EPHA6: variants seen among roughly 807,000 people sequenced by gnomAD.
EPHA6 encodes EPH receptor A6.
A neutral mutation model predicts 112.0 loss-of-function variants in EPHA6; 50 were observed. The observed-to-expected ratio is 0.45, with a 90% CI of 0.36 to 0.56. The LOEUF is 0.56. Among genes scored for constraint, EPHA6 ranks in the 20% least tolerant of loss-of-function variants. EPHA6 has a pLI of 0.00. For synonymous variants in EPHA6, 529 were observed against 490.7 expected (o/e 1.08, Z -1.03); for missense variants, 1,280 against 1,417.4 (o/e 0.90, Z 1.56).
chr3:97,008,232 C>A (rs564893163), intron 3 of EPHA6, among the ~76,000 whole-genome samples: 1 of 152,304 alleles, frequency 6.6e-6, no homozygotes, highest in African/African-American at 2.4e-5. Context: ...CTGTCTCCTT[C>A]TGGTACTCCA....
chr3:97,168,369 G>A lies in EPHA6; in HGVS notation c.1115-57895G>A, dbSNP rs185845591. Among the ~76,000 whole-genome samples the A allele has an allele frequency of 1.4e-3, 217 of 152,214 alleles. 1 individual carries two copies. The highest frequency in any genetic ancestry group is 5.1e-3 in the African/African-American group (210 of 41,544). On this transcript the variant is annotated intron_variant, in intron 3 of 17. Coordinates refer to ENST00000389672, the MANE Select transcript of EPHA6 (RefSeq NM_001080448.3). ...CAATTTTGGAGGTGGGGCCTGGTGG[G>A]AGGTGATTAGATCGTGGGGGTGGTT...
intron 3 of EPHA6, among the ~76,000 whole-genome samples, chr3:97,225,009 G>A (rs1477800176): frequency 6.6e-6 from 1 of 152,000 alleles, no homozygotes; most frequent in Non-Finnish European, 1.5e-5. Context: ...AGGCTGGAGT[G>A]CAGTGCCGCG....
chr3:97,499,058 A>G (rs2092053151), intron 10 of EPHA6, among the ~76,000 whole-genome samples: 1 of 152,114 alleles, frequency 6.6e-6, no homozygotes, highest in African/African-American at 2.4e-5. Flanking sequence ...TTAAGTCAAA[A>G]TAATGTACAC....
chr3:96,971,321 C>T (rs2042310063), intron 2 of EPHA6, among the ~76,000 whole-genome samples: 1 of 152,058 alleles, frequency 6.6e-6, no homozygotes. Context: ...AGTTGTCTTC[C>T]AGATACACCA....
chr3:97,627,052 G>C (rs965925328), intron 13 of EPHA6, among the ~76,000 whole-genome samples: 2 of 151,802 alleles, frequency 1.3e-5, no homozygotes, highest in African/African-American at 4.8e-5. Flanking sequence ...CTCACTTACT[G>C]TTTACAACAG....
chr3:97,271,811 T>G (rs570685124), intron 5 of EPHA6, among the ~76,000 whole-genome samples: 1 of 152,360 alleles, frequency 6.6e-6, no homozygotes, highest in Non-Finnish European at 1.5e-5. Context: ...CTTTTTATTT[T>G]TTATTGTATG....
chr3:96,847,132 G>C (rs114887290), intron 1 of EPHA6, among the ~76,000 whole-genome samples: 1,825 of 152,078 alleles, frequency 0.012, 33 homozygotes, highest in African/African-American at 0.042. Flanking sequence ...CCAGTAGAGT[G>C]AAAGTCTATT....
chr3:97,644,604 A>G (rs1244995502), intron 14 of EPHA6, among the ~76,000 whole-genome samples: 1 of 152,048 alleles, frequency 6.6e-6, no homozygotes, highest in Admixed American at 6.6e-5. Context: ...GATAAAGGGG[A>G]TATCACCAAC....
intron 3 of EPHA6, among the ~76,000 whole-genome samples, chr3:97,216,465 T>G (rs115157811): frequency 0.016 from 2,394 of 152,292 alleles, 33 homozygotes; most frequent in Non-Finnish European, 0.026. Flanking sequence ...ACCACATCAA[T>G]GTCAACAAAT....
chr3:96,904,503 T>G (rs946095535), intron 2 of EPHA6, among the ~76,000 whole-genome samples: 2 of 149,984 alleles, frequency 1.3e-5, no homozygotes, highest in Non-Finnish European at 3.0e-5. Context: ...ATATACCTAA[T>G]GCTAAATGAC....
chr3:97,545,487 G>A (rs373355654), intron 11 of EPHA6, among the ~76,000 whole-genome samples: 2 of 152,062 alleles, frequency 1.3e-5, no homozygotes, highest in Admixed American at 6.6e-5. Context: ...ACTTCCAACT[G>A]TGTGGTCAAT....
chr3:97,285,362 C>G (rs2080429530), intron 5 of EPHA6, among the ~76,000 whole-genome samples: 1 of 151,936 alleles, frequency 6.6e-6, no homozygotes, highest in Non-Finnish European at 1.5e-5. Flanking sequence ...ATTAACCAGC[C>G]TCTCTTCATT....
intron 13 of EPHA6, among the ~76,000 whole-genome samples, chr3:97,636,114 G>A (rs545414445): frequency 2.7e-4 from 41 of 152,142 alleles, no homozygotes; most frequent in African/African-American, 8.4e-4. Context: ...TATTCTCATC[G>A]TGTAGATAAG....
At chr3:97,150,044 CA>C (rs552896990) in intron 3 of EPHA6, among the ~76,000 whole-genome samples, 73 of 151,934 alleles carry the variant, frequency 4.8e-4, no homozygotes, top group Non-Finnish European at 9.3e-4. Flanking sequence ...TGTAGGAAGT[CA>C]ACATTTCCTT....
chr3:97,691,871 G>C (rs899951649), intron 14 of EPHA6, among the ~76,000 whole-genome samples: 1 of 152,136 alleles, frequency 6.6e-6, no homozygotes, highest in African/African-American at 2.4e-5. Flanking sequence ...TTCTTGCCTT[G>C]AACTTTTAAA....
chr3:96,815,807 C>T (rs1357964043), intron 1 of EPHA6, among the ~76,000 whole-genome samples: 1 of 152,134 alleles, frequency 6.6e-6, no homozygotes, highest in Non-Finnish European at 1.5e-5. Context: ...TGAAATATAT[C>T]TCCTTGTATT....
chr3:97,532,683 G>A (rs1577684823), intron 11 of EPHA6, 140 bp downstream of exon 11: 1 of 688,712 alleles, frequency 1.5e-6, no homozygotes, highest in Non-Finnish European at 2.3e-6. Context: ...TCAGAGACTT[G>A]ATCCTAGGCT....
At chr3:96,972,422 CAA>C (rs1187450814) in intron 2 of EPHA6, among the ~76,000 whole-genome samples, 35 of 75,642 alleles carry the variant, frequency 4.6e-4, no homozygotes, top group East Asian at 4.5e-3. Context: ...AACACACACA[CAA>C]ACACACACAC....
intron 6 of EPHA6, among the ~76,000 whole-genome samples, chr3:97,410,978 CT>C (rs2087674147): frequency 6.6e-6 from 1 of 151,572 alleles, no homozygotes; most frequent in Non-Finnish European, 1.5e-5. Flanking sequence ...AAGTATTAAT[CT>C]GAAGCAAAAT....
Sources: gnomAD v4.1 joint callset for allele counts (sites outside exome capture counted in the v4.1 genomes callset) on GRCh38, gnomAD v4.1.1 for gene constraint, MANE v1.5 for transcripts, NCBI Gene and HGNC (gene_info 2026-07-23, HGNC 2026-07-21) for gene names.